GABRG3: variants seen among roughly 807,000 people sequenced by gnomAD.
GABRG3 encodes gamma-aminobutyric acid receptor subunit gamma-3.
Under a neutral mutation model 48.8 loss-of-function variants are expected in GABRG3, and 25 were observed. The ratio of observed to expected loss-of-function variants is 0.51; its 90% CI spans 0.37 to 0.72. The LOEUF (loss-of-function observed/expected upper bound fraction) is 0.72. GABRG3 is among the 30% of genes least tolerant of loss of function. The pLI, the probability that GABRG3 is intolerant of heterozygous loss-of-function variation, is 0.00. For missense variants in GABRG3, 394 were observed against 577.9 expected (o/e 0.68, Z 3.26); for synonymous variants, 227 against 217.6 (o/e 1.04, Z -0.38).
intron 3 of GABRG3, among the ~76,000 whole-genome samples, chr15:27,199,251 T>G (rs535247006): frequency 6.6e-6 from 1 of 152,228 alleles, no homozygotes; most frequent in Non-Finnish European, 1.5e-5. Flanking sequence ...AGCCATTATA[T>G]GAGTCTGGTC....
intron 3 of GABRG3, among the ~76,000 whole-genome samples, chr15:27,052,904 G>A (rs1200074833): frequency 1.3e-5 from 2 of 152,096 alleles, no homozygotes; most frequent in Non-Finnish European, 2.9e-5. Context: ...ATAAAAATAA[G>A]CAATAGGGAA....
At chr15:27,494,730 G>A (rs10152410) in intron 6 of GABRG3, among the ~76,000 whole-genome samples, 64,162 of 151,680 alleles carry the variant, frequency 0.42, 13,919 homozygotes, top group Middle Eastern at 0.52. Context: ...TATCTTTTTG[G>A]GGGGGCCGGT....
At chr15:27,531,931 AT>A (rs1566882405) in intron 9 of GABRG3, among the ~76,000 whole-genome samples, 1 of 152,152 alleles carries the variant, frequency 6.6e-6, no homozygotes. Flanking sequence ...ATTTTTGGTT[AT>A]GCTTCTTGAG....
At chr15:27,194,697 T>C (rs905762680) in intron 3 of GABRG3, among the ~76,000 whole-genome samples, 1 of 152,202 alleles carries the variant, frequency 6.6e-6, no homozygotes, top group African/African-American at 2.4e-5. Flanking sequence ...TTTTTTACCT[T>C]ATTTTTCATG....
intron 2 of GABRG3, among the ~76,000 whole-genome samples, chr15:26,989,967 AT>A (rs1363615488): frequency 1.3e-5 from 2 of 152,214 alleles, no homozygotes; most frequent in Non-Finnish European, 2.9e-5. Flanking sequence ...TCATTTTTTA[AT>A]AGCTGAATAG....
At chr15:27,222,725 C>T (rs917414078) in intron 3 of GABRG3, among the ~76,000 whole-genome samples, 3 of 152,156 alleles carry the variant, frequency 2.0e-5, no homozygotes, top group Admixed American at 1.3e-4. Context: ...AGATGCTCTA[C>T]ATGACTCATT....
At chr15:27,029,656 G>A (rs574109782) in intron 3 of GABRG3, among the ~76,000 whole-genome samples, 3 of 152,290 alleles carry the variant, frequency 2.0e-5, no homozygotes, top group Admixed American at 2.0e-4. Context: ...ACTAGTGTGA[G>A]GCATTGTCCT....
At chr15:27,420,389 G>A (rs1044660833) in intron 5 of GABRG3, among the ~76,000 whole-genome samples, 8 of 152,188 alleles carry the variant, frequency 5.3e-5, no homozygotes, top group African/African-American at 1.9e-4. Context: ...AGTTGAACTT[G>A]GGGTATGAAA....
chr15:27,129,643 A>G (rs1897881329), intron 3 of GABRG3, among the ~76,000 whole-genome samples: 1 of 151,178 alleles, frequency 6.6e-6, no homozygotes, highest in African/African-American at 2.4e-5. Context: ...GCCATTTTAC[A>G]TTGTTACCAG....
At chr15:27,367,768 T>C (rs1895259436) in intron 5 of GABRG3, among the ~76,000 whole-genome samples, 1 of 152,202 alleles carries the variant, frequency 6.6e-6, no homozygotes, top group Non-Finnish European at 1.5e-5. Flanking sequence ...TTATAATATC[T>C]ATTCTGTGCC....
At chr15:27,336,497 G>C (rs1203311028) in intron 5 of GABRG3, among the ~76,000 whole-genome samples, 1 of 152,134 alleles carries the variant, frequency 6.6e-6, no homozygotes, top group Non-Finnish European at 1.5e-5. Flanking sequence ...ATACCTATTA[G>C]AATGGCTAAA....
chr15:27,318,732 C>G (rs565145519), intron 3 of GABRG3, among the ~76,000 whole-genome samples: 2 of 152,278 alleles, frequency 1.3e-5, no homozygotes, highest in Admixed American at 1.3e-4. Flanking sequence ...GCGAGTAGTT[C>G]CAGGAATGGG....
At chr15:27,388,308 G>T (rs1364097324) in intron 5 of GABRG3, among the ~76,000 whole-genome samples, 1 of 36,902 alleles carries the variant, frequency 2.7e-5, no homozygotes, top group Non-Finnish European at 5.3e-5. Context: ...AGGAAGGAAA[G>T]GGAGGGAGGG....
chr15:27,205,975 G>A (rs1888839364), intron 3 of GABRG3, among the ~76,000 whole-genome samples: 1 of 151,838 alleles, frequency 6.6e-6, no homozygotes, highest in Non-Finnish European at 1.5e-5. Context: ...AATTAGTCTA[G>A]CTACTTGTCT....
At chr15:26,991,268 A>T (rs1219781242) in intron 2 of GABRG3, among the ~76,000 whole-genome samples, 1 of 151,824 alleles carries the variant, frequency 6.6e-6, no homozygotes, top group Non-Finnish European at 1.5e-5. Context: ...ATTCTGTTCC[A>T]TTGGTTTATG....
intron 5 of GABRG3, among the ~76,000 whole-genome samples, chr15:27,380,804 T>C (rs369700103): frequency 6.8e-4 from 102 of 149,196 alleles, no homozygotes; most frequent in East Asian, 4.2e-3. Context: ...CTCACTCTGT[T>C]GCCCAGGCTG....
At chr15:27,427,015 G>A (rs577476776) in intron 5 of GABRG3, among the ~76,000 whole-genome samples, 2 of 152,050 alleles carry the variant, frequency 1.3e-5, no homozygotes, top group Non-Finnish European at 2.9e-5. Flanking sequence ...CCAAACATCT[G>A]ATGTTTGGGC....
chr15:27,048,515 G>A (rs1896402718), intron 3 of GABRG3, among the ~76,000 whole-genome samples: 1 of 152,148 alleles, frequency 6.6e-6, no homozygotes, highest in Admixed American at 6.5e-5. Flanking sequence ...AGGTGGCTGG[G>A]GCTTTGCTCT....
At chr15:27,158,969 A>C (rs928680166) in intron 3 of GABRG3, among the ~76,000 whole-genome samples, 2 of 152,170 alleles carry the variant, frequency 1.3e-5, no homozygotes, top group African/African-American at 4.8e-5. Context: ...AAAGTGCTGT[A>C]CTTCATCAGC....
Sources: gnomAD v4.1 joint callset for allele counts (sites outside exome capture counted in the v4.1 genomes callset) on GRCh38, gnomAD v4.1.1 for gene constraint, MANE v1.5 for transcripts, NCBI Gene and HGNC (gene_info 2026-07-23, HGNC 2026-07-21) for gene names.